The following SV2C variants were observed in gnomAD, a reference collection of about 807,000 sequenced individuals.
SV2C encodes synaptic vesicle glycoprotein 2C, also known as solute carrier family 22 member B3.
In SV2C, 49 loss-of-function variants were observed where a neutral mutation model predicts 79.7. The ratio of observed to expected loss-of-function variants is 0.61; its 90% CI spans 0.49 to 0.78. SV2C has a LOEUF of 0.78. SV2C is among the 30% of genes least tolerant of loss of function. The pLI is 0.00. For missense variants in SV2C, 833 were observed against 912.9 expected, an observed-to-expected ratio of 0.91 and a Z score of 1.13; for synonymous variants, 334 against 333.2, an observed-to-expected ratio of 1.00 and a Z score of -0.03.
At chr5:76,004,959 C>T in the SV2C span, among the ~76,000 whole-genome samples, 1 of 152,104 alleles carries the variant, frequency 6.6e-6, no homozygotes, top group Non-Finnish European at 1.5e-5. Context: ...TGTCAGAGGG[C>T]CTGAGGAGTG....
intron 2 of SV2C, among the ~76,000 whole-genome samples, chr5:76,137,886 A>C (rs1392008724): frequency 2.6e-5 from 4 of 152,164 alleles, no homozygotes; most frequent in Non-Finnish European, 4.4e-5. Context: ...CCTCTTCTTC[A>C]TCAGAGCAGA....
chr5:76,099,550 T>A (rs1480470706), intron 1 of SV2C, among the ~76,000 whole-genome samples: 1 of 152,182 alleles, frequency 6.6e-6, no homozygotes, highest in Non-Finnish European at 1.5e-5. Flanking sequence ...CAACCACTGA[T>A]TTTTAGTCTG....
At chr5:75,942,214 C>G in the SV2C span, among the ~76,000 whole-genome samples, 1 of 152,204 alleles carries the variant, frequency 6.6e-6, no homozygotes, top group Non-Finnish European at 1.5e-5. Flanking sequence ...CCCTATGTAT[C>G]TCTTCATCCA....
chr5:75,858,395 A>AT, the SV2C span, among the ~76,000 whole-genome samples: 3 of 152,164 alleles, frequency 2.0e-5, no homozygotes, highest in Admixed American at 2.0e-4. Flanking sequence ...GTTGATATTA[A>AT]TGATCACTTT....
the SV2C span, among the ~76,000 whole-genome samples, chr5:76,021,923 G>A: frequency 5.3e-5 from 8 of 152,076 alleles, no homozygotes; most frequent in African/African-American, 1.9e-4. Flanking sequence ...CAAAATCATT[G>A]AAATTATTAA....
rs761618929 is a variant in SV2C, at chr5:76,295,874, T to C, written c.1434T>C (p.Tyr478=). 3.7e-6 allele frequency: 6 copies of C among 1,613,544 alleles called. No individual in the cohort carries two copies. Among genetic ancestry groups the C allele is most frequent in the Non-Finnish European group, 4.2e-6 (5 of 1,179,722 alleles). Residue 478 remains tyrosine (Y), a synonymous_variant, in exon 9 of 13, where the codon TAT becomes TAC. Coordinates refer to ENST00000502798, the MANE Select transcript of SV2C (RefSeq NM_014979.4). ...CCAGAAATGTGGAGAGAGATAAATATGCAAATTTCACTATTAACTTTACAA... is the reference window on the plus strand; with the variant it reads ...CCAGAAATGTGGAGAGAGATAAATACGCAAATTTCACTATTAACTTTACAA... ...LLTRNVERDK[Y]ANFTINFTME...
intron 4 of SV2C, among the ~76,000 whole-genome samples, chr5:76,250,790 C>A (rs929576416): frequency 1.3e-5 from 2 of 152,158 alleles, no homozygotes. Context: ...TTATTTGTAG[C>A]CAGATGGGCA....
chr5:75,911,266 TCC>T, the SV2C span: 7 of 1,469,486 alleles, frequency 4.8e-6, no homozygotes, highest in Non-Finnish European at 6.7e-6. Flanking sequence ...TCTCCCTAGC[TCC>T]CCAGCTCCAT....
chr5:75,910,790 T>C, the SV2C span: 3 of 1,348,556 alleles, frequency 2.2e-6, no homozygotes, highest in East Asian at 2.3e-5. Flanking sequence ...TGTTGGCTGC[T>C]ATGTGACCAT....
chr5:75,962,918 G>T, the SV2C span, among the ~76,000 whole-genome samples: 1 of 152,046 alleles, frequency 6.6e-6, no homozygotes, highest in African/African-American at 2.4e-5. Flanking sequence ...AAAACTGTTT[G>T]CTCAAAAGTA....
intron 2 of SV2C, among the ~76,000 whole-genome samples, chr5:76,187,545 C>A (rs1339629728): frequency 6.6e-6 from 1 of 152,136 alleles, no homozygotes; most frequent in Non-Finnish European, 1.5e-5. Context: ...AATATTCTCT[C>A]ATGCAAATTA....
At chr5:75,875,070 A>G in the SV2C span, among the ~76,000 whole-genome samples, 1 of 151,938 alleles carries the variant, frequency 6.6e-6, no homozygotes, top group Non-Finnish European at 1.5e-5. Context: ...CAGCAACAAC[A>G]ACAACACTAT....
chr5:76,137,655 A>G (rs757446026), intron 2 of SV2C, among the ~76,000 whole-genome samples: 2 of 152,206 alleles, frequency 1.3e-5, no homozygotes, highest in Non-Finnish European at 2.9e-5. Context: ...AGCCAGAAGT[A>G]AATTCCTCTG....
At chr5:76,296,474 C>T (rs994455686) in intron 9 of SV2C, among the ~76,000 whole-genome samples, 22 of 152,102 alleles carry the variant, frequency 1.4e-4, no homozygotes, top group East Asian at 3.9e-4. Context: ...CTTTGAAAGA[C>T]GGAAGGGTCT....
At chr5:76,094,800 A>T (rs2112105221) in intron 1 of SV2C, among the ~76,000 whole-genome samples, 1 of 152,004 alleles carries the variant, frequency 6.6e-6, no homozygotes, top group Non-Finnish European at 1.5e-5. Context: ...TTGCTTTCTT[A>T]TTGTTGAATT....
At chr5:76,050,684 A>G in the SV2C span, among the ~76,000 whole-genome samples, 1 of 152,158 alleles carries the variant, frequency 6.6e-6, no homozygotes, top group Admixed American at 6.5e-5. Context: ...TTAAAGCTCT[A>G]GTATTAAACC....
At chr5:75,853,540 A>AGC in the SV2C span, among the ~76,000 whole-genome samples, 1 of 130,338 alleles carries the variant, frequency 7.7e-6, no homozygotes, top group African/African-American at 2.9e-5. Context: ...TGGGCAGCAC[A>AGC]GCGAGACTCC....
the SV2C span, among the ~76,000 whole-genome samples, chr5:75,954,915 A>C: frequency 6.8e-6 from 1 of 147,272 alleles, no homozygotes. Context: ...AAATGGAAGA[A>C]CATTCCATGC....
At chr5:76,218,285 A>G (rs1039490033) in intron 4 of SV2C, among the ~76,000 whole-genome samples, 4 of 152,326 alleles carry the variant, frequency 2.6e-5, no homozygotes, top group East Asian at 1.9e-4. Flanking sequence ...AAATCATTCT[A>G]CCATAAAGAC....
Sources: allele counts gnomAD v4.1 joint callset (sites outside exome capture counted in the v4.1 genomes callset), GRCh38; gene constraint gnomAD v4.1.1; transcripts MANE v1.5; gene names NCBI Gene and HGNC (gene_info 2026-07-23, HGNC 2026-07-21).